Variants in TUBGCP2 observed in about 807,000 individuals in gnomAD.
TUBGCP2 encodes the protein gamma-tubulin complex component 2.
TUBGCP2 carries 55 observed loss-of-function variants against 92.2 expected under a neutral mutation model. That is an observed-to-expected ratio of 0.60 (90% confidence interval 0.48 to 0.75). The LOEUF is 0.75. TUBGCP2 is among the 30% of genes least tolerant of loss of function. The pLI is 0.00. For synonymous variants in TUBGCP2, 533 were observed against 505.2 expected, an observed-to-expected ratio of 1.06 and a Z score of -0.74; for missense variants, 1,093 against 1,188.9, an observed-to-expected ratio of 0.92 and a Z score of 1.19.
chr10:133,309,006 G>C, upstream of TUBGCP2: 1 of 1,252,058 alleles, frequency 8.0e-7, no homozygotes, highest in Non-Finnish European at 1.0e-6. Context: ...CGGAGCCGCT[G>C]CCTGTAGAGC....
chr10:133,283,690 ATTCC>A (rs1847049003), intron 14 of TUBGCP2, among the ~76,000 whole-genome samples, 188 bp downstream of exon 14: 1 of 12,290 alleles, frequency 8.1e-5, no homozygotes, highest in Non-Finnish European at 1.4e-4. Flanking sequence ...CCTCTCCCGC[ATTCC>A]CTGCCTCTCC....
chr10:133,289,797 C>CCCAACTCCCCGCCCGCTGCGCCGCGGACG (rs1847229410), intron 9 of TUBGCP2, 27 bp downstream of exon 9: 11 of 147,612 alleles, frequency 7.5e-5, no homozygotes, highest in Non-Finnish European at 1.1e-4. Context: ...TGCTGCGCAC[C>CCCAACTCCCCGCCCGCTGCGCCGCGGACG]CCAAGTCCCC....
chr10:133,300,237 C>A (rs573018027), intron 2 of TUBGCP2, 124 bp from the exon 3 acceptor site: 50 of 1,169,378 alleles, frequency 4.3e-5, no homozygotes, highest in Middle Eastern at 5.6e-4. Context: ...AATAATTATC[C>A]CTCTGAAATA....
chr10:133,299,342 C>G, intron 4 of TUBGCP2, 85 bp downstream of exon 4: 1 of 1,237,396 alleles, frequency 8.1e-7, no homozygotes, highest in Non-Finnish European at 1.1e-6. Context: ...GGGCCCGGCA[C>G]AGCACTGAGT....
At chr10:133,294,316 C>T (rs1466656502) in intron 5 of TUBGCP2, among the ~76,000 whole-genome samples, 1 of 152,228 alleles carries the variant, frequency 6.6e-6, no homozygotes, top group Non-Finnish European at 1.5e-5. Flanking sequence ...TCCACAGCCT[C>T]AGGCGGGCCA....
intron 8 of TUBGCP2, chr10:133,290,814 A>G (rs1847267535): frequency 6.6e-6 from 1 of 152,294 alleles, no homozygotes; most frequent in African/African-American, 2.4e-5. Context: ...TCATTTACGC[A>G]CTTCAAGTGT....
chr10:133,284,953 C>A, intron 13 of TUBGCP2, 132 bp downstream of exon 13: 1 of 1,343,032 alleles, frequency 7.4e-7, no homozygotes, highest in East Asian at 2.4e-5. Flanking sequence ...CACCAACGTG[C>A]GCTTCCAGAT....
upstream of TUBGCP2, chr10:133,311,610 T>C (rs1258331376): frequency 4.2e-6 from 4 of 961,342 alleles, no homozygotes; most frequent in South Asian, 6.3e-5. Context: ...TAAGAAAATA[T>C]GCTACTTACA....
Position 133,282,362 on chromosome 10 carries a change from A to T in TUBGCP2, c.2290-20T>A. On this transcript the variant is annotated intron_variant, in intron 15 of 17. Coordinates refer to ENST00000252936, the MANE Select transcript of TUBGCP2 (RefSeq NM_006659.4). ...AAATTTCTAGGGGGGGAGAGTCGCAAGGAAATGCTTCTGTTAGTTACAACC... is the reference window on the plus strand; with the variant it reads ...AAATTTCTAGGGGGGGAGAGTCGCATGGAAATGCTTCTGTTAGTTACAACC... 6.4e-7 allele frequency: 1 copy of T among 1,572,774 alleles called. No homozygotes were observed. The highest frequency in any genetic ancestry group is 8.6e-7 in the Non-Finnish European group (1 of 1,159,858).
At chr10:133,293,521 C>A (rs908970000) in intron 6 of TUBGCP2, 41 bp downstream of exon 6, 11 of 1,542,758 alleles carry the variant, frequency 7.1e-6, no homozygotes, top group Admixed American at 5.9e-5. Flanking sequence ...ACCCCTCCCC[C>A]ACAACAGCGC....
chr10:133,294,082 A>G (rs989332096), intron 5 of TUBGCP2, among the ~76,000 whole-genome samples: 5 of 152,260 alleles, frequency 3.3e-5, no homozygotes, highest in Admixed American at 2.6e-4. Context: ...ACTCCAGCAG[A>G]AGCTGCACTT....
intron 7 of TUBGCP2, 56 bp from the exon 8 acceptor site, chr10:133,292,744 CCAA>C (rs762569264): frequency 1.9e-6 from 3 of 1,556,026 alleles, no homozygotes; most frequent in Non-Finnish European, 8.7e-7. Flanking sequence ...CCAGCCTCTG[CCAA>C]CAACACTGCT....
At chr10:133,309,294 G>C (rs1847927597), upstream of TUBGCP2, 11 of 1,463,294 alleles carry the variant, frequency 7.5e-6, no homozygotes, top group Non-Finnish European at 1.0e-5. Context: ...CGGGACCGGA[G>C]CGCGGGATGA....
intron 3 of TUBGCP2, 95 bp from the exon 4 acceptor site, chr10:133,299,698 C>A: frequency 9.1e-7 from 1 of 1,095,330 alleles, no homozygotes; most frequent in South Asian, 1.5e-5. Context: ...GGCTCCCCAA[C>A]CCTGACAGGC....
At chr10:133,291,278 T>TCCGTGTCCCC in intron 8 of TUBGCP2, among the ~76,000 whole-genome samples, 1 of 63,574 alleles carries the variant, frequency 1.6e-5, no homozygotes, top group South Asian at 4.9e-4. Flanking sequence ...CCCATGTCCC[T>TCCGTGTCCCC]CCGTGTCCCT....
At chr10:133,286,401 C>G (rs1193401743) in intron 11 of TUBGCP2, among the ~76,000 whole-genome samples, 1 of 152,202 alleles carries the variant, frequency 6.6e-6, no homozygotes, top group Non-Finnish European at 1.5e-5. Context: ...CCCAAAATAT[C>G]TGAATCAAGA....
At chr10:133,283,293 C>A in intron 14 of TUBGCP2, 72 bp from the exon 15 acceptor site, 1 of 1,600,538 alleles carries the variant, frequency 6.2e-7, no homozygotes, top group South Asian at 1.1e-5. Context: ...CGCACGTGCT[C>A]AGTTCTGGCT....
upstream of TUBGCP2, chr10:133,310,625 G>A (rs1025750172): frequency 1.8e-5 from 6 of 339,662 alleles, no homozygotes; most frequent in Admixed American, 4.5e-5. Flanking sequence ...GTGGTCATCC[G>A]CACTCACACC....
chr10:133,285,364 C>T lies in TUBGCP2; in HGVS notation c.1895+92G>A. ...GCCGGGGAGAGCCGCCTTGGGTCCT[C>T]TGTGGGACGAGGTGGCCACCGCGTG... On this transcript the variant is annotated intron_variant, in intron 12 of 17. Transcript: ENST00000252936. The surrounding 1 kb of genome is among the most constrained non-coding windows in gnomAD (Gnocchi z 6.8). 2 of 1,596,342 alleles carry T rather than the reference C, an allele frequency of 1.3e-6. No individual in the cohort carries two copies. Among genetic ancestry groups the T allele is most frequent in the Non-Finnish European group, 1.7e-6 (2 of 1,172,644 alleles).
Sources: gnomAD v4.1 joint callset for allele counts (sites outside exome capture counted in the v4.1 genomes callset) on GRCh38, gnomAD v4.1.1 for gene constraint, Gnocchi (gnomAD v3.1) non-coding constraint, MANE v1.5 for transcripts, NCBI Gene and HGNC (gene_info 2026-07-23, HGNC 2026-07-21) for gene names.